The following KARS1 variants were observed in gnomAD, a reference collection of about 807,000 sequenced individuals.
KARS1 encodes lysyl-tRNA synthetase 1, also known as lysine--tRNA ligase.
A neutral mutation model predicts 63.9 loss-of-function variants in KARS1; 50 were observed. The observed-to-expected ratio is 0.78, with a 90% CI of 0.62 to 0.99. The LOEUF (loss-of-function observed/expected upper bound fraction) is 0.99, where lower values mean the gene tolerates loss of function less well. KARS1 is among the 50% of genes least tolerant of loss of function. The pLI, the probability that KARS1 is intolerant of heterozygous loss-of-function variation, is 0.00. For missense variants in KARS1, 816 were observed against 754.5 expected, an observed-to-expected ratio of 1.08 and a Z score of -0.95; for synonymous variants, 320 against 264.6, an observed-to-expected ratio of 1.21 and a Z score of -2.03.
chr16:75,644,149 T>C, intron 1 of KARS1: 1 of 684,118 alleles, frequency 1.5e-6, no homozygotes, highest in Non-Finnish European at 2.5e-6. Flanking sequence ...GAAAGGACTA[T>C]TGGTTTTGGT....
Position 75,641,604 on chromosome 16 carries a change from T to C in KARS1, c.182A>G (p.Asp61Gly). 1.2e-6 allele frequency: 2 copies of C among 1,613,768 alleles called. No homozygotes were observed. Among genetic ancestry groups the C allele is most frequent in the Non-Finnish European group, 1.7e-6 (2 of 1,179,732 alleles). ...CTCTTCCTCAGGACCCACACCATTA[T>C]CAGTGGTGTGGTTGGTGGCAGCAGC... ...ATAAATNHTTDNGVGPEEESV... is the reference protein window; with the variant it reads ...ATAAATNHTTGNGVGPEEESV... The change falls in exon 2 of 14, where the codon GAT (aspartate) becomes GGT (glycine). Residue 61 changes from aspartate (D) to glycine (G), a missense_variant. Transcript: ENST00000302445.
chr16:75,644,332 C>A, intron 1 of KARS1: 1 of 1,609,142 alleles, frequency 6.2e-7, no homozygotes, highest in Non-Finnish European at 8.5e-7. Context: ...GTGAAAGGAG[C>A]AAGTTGACCC....
rs1391322713 is a variant in KARS1, at chr16:75,627,865, C to A, written c.*30G>T. The A allele has an allele frequency of 2.4e-6, 3 of 1,254,052 alleles. No individual in the cohort carries two copies. Among genetic ancestry groups the A allele is most frequent in the Non-Finnish European group, 3.5e-6 (3 of 852,016 alleles). The allele number at this position is 1,254,052 out of a possible 1,614,324, so 77.7% of individuals were successfully genotyped here. ...ATCTTTCGCAGAAATGCAAAGACGC[C>A]TGAGTTATACAACTTGCAATTATTA... On this transcript the variant is annotated 3_prime_UTR_variant, in exon 14 of 14. Coordinates refer to ENST00000302445, the MANE Select transcript of KARS1 (RefSeq NM_005548.3).
intron 1 of KARS1, chr16:75,644,191 C>A (rs1264828205): frequency 9.2e-6 from 11 of 1,189,382 alleles, no homozygotes; most frequent in East Asian, 2.6e-5. Flanking sequence ...AGCAACAAGT[C>A]CAAAGACTTA....
Position 75,636,232 on chromosome 16 carries a change from ACTATTAAAAAAGGACTATC to A in KARS1, c.483-153_483-135del, listed in dbSNP as rs554754859. On this transcript the variant is annotated intron_variant, in intron 4 of 13. Transcript: ENST00000302445. ...AAGAAGGACGTCAGATTCAGGGGCC[ACTATTAAAAAAGGACTATC>A]CTTTACTTTACTGTCATATAACTTG... The A allele has an allele frequency of 7.9e-4, 561 of 712,886 alleles. 7 individuals carry two copies. In the South Asian group the frequency reaches 8.7e-3, roughly 11 times the overall value. 44.2% of individuals were successfully genotyped at this position (712,886 alleles called of 1,614,324 possible).
intron 1 of KARS1, among the ~76,000 whole-genome samples, chr16:75,647,188 G>T (rs1022358078): frequency 1.3e-5 from 2 of 152,188 alleles, no homozygotes; most frequent in African/African-American, 4.8e-5. Context: ...AAAAGCTAGG[G>T]TATTTAACAT....
intron 3 of KARS1, among the ~76,000 whole-genome samples, chr16:75,637,832 C>T (rs568272985): frequency 6.8e-6 from 1 of 148,032 alleles, no homozygotes; most frequent in East Asian, 2.0e-4. Flanking sequence ...CCACAGAAAC[C>T]CTCTCAACAG....
intron 6 of KARS1, among the ~76,000 whole-genome samples, chr16:75,634,901 A>C (rs1165515488): frequency 1.3e-5 from 2 of 152,214 alleles, no homozygotes; most frequent in African/African-American, 4.8e-5. Context: ...TTAAAAATTT[A>C]GGCTGGTCTG....
At position 75,628,610 on chromosome 16, in the gene KARS1, C is replaced by T; in HGVS notation, c.1654G>A (p.Asp552Asn). The T allele has an allele frequency of 6.2e-7, 1 of 1,614,148 alleles. No homozygotes were observed. The highest frequency in any genetic ancestry group is 8.5e-7 in the Non-Finnish European group (1 of 1,180,036). The change falls in exon 13 of 14, where the codon GAT becomes AAT. Residue 552 changes from aspartate (D) to asparagine (N), a missense_variant. Asp to Asn is a conservative substitution (Grantham distance 23). Transcript: ENST00000302445. The stretch of plus-strand genomic sequence containing the variant: ...TCCGTGAGAAACATGGCGACTCGAT[C>T]AATGCCCATGCCCCAGCCAGCTGTG... ...PPTAGWGMGI[D>N]RVAMFLTDSN...
At position 75,631,723 on chromosome 16, in the gene KARS1, G is replaced by T; in HGVS notation, c.1048C>A (p.Leu350Ile). 1 of 1,614,216 alleles carries T rather than the reference G, an allele frequency of 6.2e-7. No individual in the cohort carries two copies. The highest frequency in any genetic ancestry group is 1.3e-5 in the African/African-American group (1 of 75,054). ...FYMAYADYHD[L>I]MEITEKMVSG... ...ACCATCTTCTCCGTGATTTCCATGA[G>T]ATCGTGATAGTCTGCATAGGCCATG... The change falls in exon 8 of 14, where the codon CTC becomes ATC. Residue 350 changes from leucine (L) to isoleucine (I), a missense_variant. By Grantham distance (5) the Leu-to-Ile change is conservative (BLOSUM62 2). Coordinates refer to ENST00000302445, the MANE Select transcript of KARS1 (RefSeq NM_005548.3).
At position 75,644,298 on chromosome 16, in the gene KARS1, A is replaced by G. The variant is rs1444756661; in HGVS notation, c.63-2575T>C. ...GGGCACCAACCTTCTTTGATCAGAA[A>G]ATGACTTGTCCTTGTGAGGCGCTGT... On this transcript the variant is annotated intron_variant, in intron 1 of 13. Transcript: ENST00000302445. 4 of 1,602,976 alleles carry G rather than the reference A, an allele frequency of 2.5e-6. No individual in the cohort carries two copies. The South Asian group carries it at 4.5e-5, about 18-fold the overall frequency.
At chr16:75,629,336 T>A in intron 12 of KARS1, 79 bp downstream of exon 12, 1 of 1,569,176 alleles carries the variant, frequency 6.4e-7, no homozygotes, top group Non-Finnish European at 8.8e-7. Flanking sequence ...CAAGAACGTA[T>A]ACGCTGACAC....
intron 1 of KARS1, among the ~76,000 whole-genome samples, chr16:75,646,569 CTT>C (rs1313418222): frequency 6.6e-6 from 1 of 151,548 alleles, no homozygotes; most frequent in Non-Finnish European, 1.5e-5. Flanking sequence ...CATCATTTCT[CTT>C]TTCTTTTTCA....
Position 75,641,981 on chromosome 16 carries a change from C to T in KARS1, c.63-258G>A, listed in dbSNP as rs75909814. 0.013 allele frequency among the ~76,000 whole-genome samples: 2,026 copies of T among 152,130 alleles called. 52 individuals carry two copies. The highest frequency in any genetic ancestry group is 0.044 in the African/African-American group (1,840 of 41,480). On this transcript the variant is annotated intron_variant, in intron 1 of 13. Coordinates refer to ENST00000302445, the MANE Select transcript of KARS1 (RefSeq NM_005548.3). The stretch of plus-strand genomic sequence containing the variant: ...AGTCTCTGCTTGCCAGTCTCAGGTC[C>T]TTGGCATTAGGTCCCAACTAAAACC...
Position 75,641,565 on chromosome 16 carries a change from T to A in KARS1, c.221A>T (p.Asn74Ile), listed in dbSNP as rs1433928518. 6.2e-7 allele frequency: 1 copy of A among 1,613,028 alleles called. No homozygotes were observed. The highest frequency in any genetic ancestry group is 8.5e-7 in the Non-Finnish European group (1 of 1,179,490). ...ATGCTGGTGGCCCAGGGAACTCACA[T>A]TTGGGTCCACGCTCTCTTCCTCAGG... Reference protein sequence around the residue: ...VGPEEESVDPNQYYKIRSQAI... With the variant: ...VGPEEESVDPIQYYKIRSQAI... The change falls in exon 2 of 14, where the codon AAT becomes ATT. Residue 74 changes from asparagine to isoleucine, a missense_variant and splice_region_variant. Coordinates refer to ENST00000302445, the MANE Select transcript of KARS1 (RefSeq NM_005548.3).
At position 75,631,552 on chromosome 16, in the gene KARS1, G is replaced by A; in HGVS notation, c.1116C>T (p.Thr372=). The A allele has an allele frequency of 6.2e-7, 1 of 1,614,152 alleles. No homozygotes were observed. Among genetic ancestry groups the A allele is most frequent in the Non-Finnish European group, 8.5e-7 (1 of 1,180,022 alleles). ...GGCCCTCTGGGCCATCTGGGTGGTA[G>A]GTGACCTTGTAACTGCCTGTAATAT... ...VKHITGSYKV[T]YHPDGPEGQA... Residue 372 remains threonine (T), a synonymous_variant, in exon 9 of 14, where the codon ACC becomes ACT. Transcript: ENST00000302445.
chr16:75,646,900 G>A (rs2151814484), intron 1 of KARS1, among the ~76,000 whole-genome samples: 1 of 152,186 alleles, frequency 6.6e-6, no homozygotes. Context: ...GTTCAAATGG[G>A]GAACGCTAAT....
At chr16:75,629,564 G>A (rs752011614) in intron 11 of KARS1, 23 bp from the exon 12 acceptor site, 20 of 1,613,366 alleles carry the variant, frequency 1.2e-5, no homozygotes, top group South Asian at 2.2e-5. Flanking sequence ...GACCAAAGAG[G>A]AGGCTGAATA....
intron 10 of KARS1, among the ~76,000 whole-genome samples, chr16:75,630,748 C>T (rs985551585): frequency 6.6e-6 from 1 of 152,070 alleles, no homozygotes; most frequent in African/African-American, 2.4e-5. Flanking sequence ...GATTCTCGTG[C>T]CTCAGCCTCC....
Sources: gnomAD v4.1 joint callset for allele counts (sites outside exome capture counted in the v4.1 genomes callset) on GRCh38, gnomAD v4.1.1 for gene constraint, MANE v1.5 for transcripts, NCBI Gene and HGNC (gene_info 2026-07-23, HGNC 2026-07-21) for gene names.